The following ORC3 variants were observed in gnomAD, a reference collection of about 807,000 sequenced individuals.
ORC3 encodes origin recognition complex subunit 3.
In ORC3, 78 loss-of-function variants were observed where a neutral mutation model predicts 100.7. That is an observed-to-expected ratio of 0.77 (90% CI 0.65 to 0.94). The LOEUF is 0.94. Ranked by LOEUF, ORC3 falls within the 40% of genes least tolerant of loss-of-function variation. ORC3 has a pLI of 0.00. For synonymous variants in ORC3, 295 were observed against 289.3 expected (o/e 1.02, Z -0.20); for missense variants, 789 against 823.9 (o/e 0.96, Z 0.52).
chr6:87,675,284 C>T, the ORC3 span: 1 of 381,510 alleles, frequency 2.6e-6, no homozygotes, highest in Admixed American at 4.0e-5. Context: ...TTTACACAAC[C>T]AGTGAAGGGC....
intron 11 of ORC3, 96 bp from the exon 12 acceptor site, chr6:87,634,749 G>T: frequency 1.6e-6 from 1 of 611,524 alleles, no homozygotes; most frequent in South Asian, 2.0e-5. Flanking sequence ...AATCTTGTCA[G>T]TTTTCCAGAA....
At position 87,657,946 on chromosome 6, in the gene ORC3, G is replaced by C. The variant is rs772220228; in HGVS notation, c.1619G>C (p.Arg540Thr). 2 of 1,584,592 alleles carry C rather than the reference G, an allele frequency of 1.3e-6. No homozygotes were observed. The highest frequency in any genetic ancestry group is 2.2e-5 in the South Asian group (2 of 90,456). The part of the protein sequence containing the change: ...QKSLLEMKEL[R>T]RSKKQTKFEV... ...TCCTTATTGGAAATGAAGGAGTTAA[G>C]AAGAAGTAAGAAGCAAACCAAATTT... The change falls in exon 16 of 20, where the codon AGA (arginine) becomes ACA (threonine). Residue 540 changes from arginine to threonine, a missense_variant. By Grantham distance (71) the Arg-to-Thr change is moderately conservative. Around this residue, in one of 3 missense-constraint regions of ORC3, gnomAD observed 366 missense variants for 394.2 expected, o/e 0.93. Coordinates refer to ENST00000392844, the MANE Select transcript of ORC3 (RefSeq NM_012381.4).
At chr6:87,619,712 G>C (rs1284984039) in intron 9 of ORC3, among the ~76,000 whole-genome samples, 1 of 152,114 alleles carries the variant, frequency 6.6e-6, no homozygotes, top group Non-Finnish European at 1.5e-5. Flanking sequence ...GGCCTGCATG[G>C]TTTTATTCAT....
chr6:87,657,124 T>C, intron 15 of ORC3, 142 bp downstream of exon 15: 1 of 611,620 alleles, frequency 1.6e-6, no homozygotes, highest in South Asian at 1.8e-5. Flanking sequence ...AACTCACTTC[T>C]AAGTTGAACA....
chr6:87,612,685 C>T (rs1778868320), intron 8 of ORC3, among the ~76,000 whole-genome samples: 1 of 152,148 alleles, frequency 6.6e-6, no homozygotes, highest in African/African-American at 2.4e-5. Flanking sequence ...AATCTTGGCT[C>T]ACTGCAACCT....
At chr6:87,600,886 A>T (rs1368721477) in intron 2 of ORC3, among the ~76,000 whole-genome samples, 1 of 152,206 alleles carries the variant, frequency 6.6e-6, no homozygotes, top group Non-Finnish European at 1.5e-5. Flanking sequence ...GTTCATGTGT[A>T]TATGTGTTAG....
chr6:87,631,139 A>G (rs1409928879), intron 11 of ORC3, among the ~76,000 whole-genome samples: 2 of 149,372 alleles, frequency 1.3e-5, no homozygotes, highest in East Asian at 2.0e-4. Flanking sequence ...TCCTCCCACT[A>G]TGGCCTCCCA....
intron 13 of ORC3, among the ~76,000 whole-genome samples, chr6:87,637,136 C>T (rs1276450785): frequency 6.6e-6 from 1 of 152,126 alleles, no homozygotes; most frequent in Non-Finnish European, 1.5e-5. Context: ...CACATGTGAG[C>T]TAAGTTTCGC....
Position 87,666,908 on chromosome 6 carries a change from T to C in ORC3, c.2031-110T>C, listed in dbSNP as rs1044424905. ...ACAGTTATAGTTTAATTTAGGAGTT[T>C]ATATCTGAACTATCTACTTCATTTT... On this transcript the variant is annotated intron_variant, in intron 19 of 19. Transcript: ENST00000392844. 1.3e-5 allele frequency: 8 copies of C among 611,522 alleles called. No homozygotes were observed. In the Admixed American group the frequency reaches 1.9e-4, roughly 14 times the overall value. The allele number at this position is 611,522 out of a possible 1,614,324, so 37.9% of individuals were successfully genotyped here. A position where few individuals can be genotyped will look rare whatever the true frequency, so the allele number is the denominator to read the frequency against.
intron 11 of ORC3, among the ~76,000 whole-genome samples, chr6:87,630,274 A>G (rs753569211): frequency 1.1e-4 from 17 of 152,082 alleles, no homozygotes; most frequent in Non-Finnish European, 1.8e-4. Context: ...GTGTGCACCT[A>G]TATATAGTCC....
At chr6:87,652,309 C>CA (rs1358823422) in intron 13 of ORC3, among the ~76,000 whole-genome samples, 3 of 152,138 alleles carry the variant, frequency 2.0e-5, no homozygotes, top group African/African-American at 7.2e-5. Context: ...TGGTCTGATT[C>CA]CTTTTGATGC....
intron 11 of ORC3, among the ~76,000 whole-genome samples, chr6:87,626,540 C>T (rs953559750): frequency 6.6e-6 from 1 of 152,104 alleles, no homozygotes; most frequent in Non-Finnish European, 1.5e-5. Flanking sequence ...AATCTCAGCA[C>T]TTTGGGAGGC....
intron 9 of ORC3, among the ~76,000 whole-genome samples, chr6:87,617,521 G>A (rs1303960750): frequency 1.3e-5 from 2 of 152,062 alleles, no homozygotes; most frequent in Non-Finnish European, 2.9e-5. Context: ...GATCACTTGA[G>A]CTTAGTAGTT....
intron 14 of ORC3, 77 bp downstream of exon 14, chr6:87,653,326 C>A: frequency 7.3e-7 from 1 of 1,371,772 alleles, no homozygotes; most frequent in Non-Finnish European, 1.0e-6. Flanking sequence ...ACCCCACCTT[C>A]TGATGTGCTT....
intron 13 of ORC3, among the ~76,000 whole-genome samples, chr6:87,637,511 T>C (rs1767917340): frequency 6.6e-6 from 1 of 152,200 alleles, no homozygotes; most frequent in Non-Finnish European, 1.5e-5. Context: ...AAAATCCCAA[T>C]AAGATTTCTA....
intron 3 of ORC3, 74 bp downstream of exon 3, chr6:87,601,955 C>G (rs766207456): frequency 9.9e-5 from 85 of 862,862 alleles, no homozygotes; most frequent in Non-Finnish European, 1.6e-4. Flanking sequence ...TCCTTTCCAC[C>G]AGTTTACAAG....
chr6:87,621,926 T>C (rs903729836), intron 10 of ORC3, 24 bp from the exon 11 acceptor site: 12 of 1,542,264 alleles, frequency 7.8e-6, no homozygotes, highest in African/African-American at 2.7e-5. Flanking sequence ...TCTCTTTTTA[T>C]GTATGGAATG....
chr6:87,654,179 C>T (rs1769487555), intron 14 of ORC3, among the ~76,000 whole-genome samples: 1 of 151,998 alleles, frequency 6.6e-6, no homozygotes, highest in Non-Finnish European at 1.5e-5. Flanking sequence ...TTGGCAAGTG[C>T]TTCTTTGTCT....
intron 8 of ORC3, among the ~76,000 whole-genome samples, chr6:87,613,498 C>G (rs551944174): frequency 5.3e-5 from 8 of 152,312 alleles, no homozygotes; most frequent in Non-Finnish European, 1.2e-4. Context: ...GCCTTCCCAA[C>G]AGTCCCCCAA....
Sources: gnomAD v4.1 joint callset for allele counts (sites outside exome capture counted in the v4.1 genomes callset) on GRCh38, gnomAD v4.1.1 for gene constraint, gnomAD v4.1.1 regional missense constraint, MANE v1.5 for transcripts, NCBI Gene and HGNC (gene_info 2026-07-23, HGNC 2026-07-21) for gene names.